TRAPPC10: variants seen among roughly 807,000 people sequenced by gnomAD.
TRAPPC10 encodes trafficking protein particle complex subunit 10.
In TRAPPC10, 23 loss-of-function variants were observed where a neutral mutation model predicts 125.5. That is an observed-to-expected ratio of 0.18 (90% CI 0.13 to 0.26). The LOEUF (loss-of-function observed/expected upper bound fraction) is 0.26. Among genes scored for constraint, TRAPPC10 ranks in the 10% least tolerant of loss-of-function variants. TRAPPC10 has a pLI of 1.00. For missense variants in TRAPPC10, 1,123 were observed against 1,308.4 expected, an observed-to-expected ratio of 0.86 and a Z score of 2.19; for synonymous variants, 509 against 518.0, an observed-to-expected ratio of 0.98 and a Z score of 0.24.
At chr21:44,079,993 G>C in intron 12 of TRAPPC10, 22 bp from the exon 13 acceptor site, 1 of 1,604,104 alleles carries the variant, frequency 6.2e-7, no homozygotes, top group Non-Finnish European at 8.5e-7. Flanking sequence ...GCCTCTCCAC[G>C]CTCCTTACCT....
At position 44,055,270 on chromosome 21, in the gene TRAPPC10, C is replaced by T. The variant is rs149394914; in HGVS notation, c.483-428C>T. On this transcript the variant is annotated intron_variant, in intron 4 of 22. Coordinates refer to ENST00000291574, the MANE Select transcript of TRAPPC10 (RefSeq NM_003274.5). ...GCCTTTTCCTAACCTGGTTTCTTAC[C>T]GCCTGCCTCATGTTTTTGACTGTTT... is the stretch of plus-strand genomic sequence containing the variant. Among the ~76,000 whole-genome samples, 458 of 152,090 alleles carry T rather than the reference C, an allele frequency of 3.0e-3. 5 individuals carry two copies. The highest frequency in any genetic ancestry group is 0.01 in the African/African-American group (423 of 41,482).
chr21:44,037,265 T>C (rs2034055793), intron 2 of TRAPPC10, among the ~76,000 whole-genome samples: 2 of 152,170 alleles, frequency 1.3e-5, no homozygotes, highest in African/African-American at 4.8e-5. Context: ...TCCTTCTTCT[T>C]GGGTTGAGAA....
At chr21:44,047,681 C>G (rs1016620106) in intron 3 of TRAPPC10, among the ~76,000 whole-genome samples, 4 of 152,058 alleles carry the variant, frequency 2.6e-5, no homozygotes, top group African/African-American at 9.7e-5. Flanking sequence ...GCTCTGTCTT[C>G]GTGTTAACCT....
intron 7 of TRAPPC10, among the ~76,000 whole-genome samples, chr21:44,071,628 C>T (rs1028697440): frequency 1.3e-5 from 2 of 152,088 alleles, no homozygotes; most frequent in Non-Finnish European, 2.9e-5. Flanking sequence ...CTCTGCAAGG[C>T]GGCACTGCAG....
intron 8 of TRAPPC10, 71 bp downstream of exon 8, chr21:44,074,541 G>T: frequency 1.9e-6 from 3 of 1,593,834 alleles, no homozygotes; most frequent in Non-Finnish European, 2.6e-6. Flanking sequence ...GAGGAAGTCT[G>T]CTGTTTGGAG....
Position 44,087,721 on chromosome 21 carries a change from C to T in TRAPPC10, c.2562C>T (p.Leu854=), listed in dbSNP as rs1490602081. The change falls in exon 17 of 23, where the codon CTC becomes CTT. Residue 854 remains leucine (L), a synonymous_variant. Coordinates refer to ENST00000291574, the MANE Select transcript of TRAPPC10 (RefSeq NM_003274.5). The surrounding 1 kb of genome is among the most constrained non-coding windows in gnomAD (Gnocchi z 4.6). The stretch of plus-strand genomic sequence containing the variant: ...TAGAACAGTCTTCTGAGGCCGCGCT[C>T]CGGATTCAGTCCTCCGACAAGGTCA... ...NTREQSSEAA[L]RIQSSDKVTS... is the part of the protein sequence containing the mutation. 1.2e-6 allele frequency: 2 copies of T among 1,613,894 alleles called. No homozygotes were observed. Among genetic ancestry groups the T allele is most frequent in the East Asian group, 2.2e-5 (1 of 44,900 alleles).
intron 7 of TRAPPC10, among the ~76,000 whole-genome samples, chr21:44,064,329 G>C (rs1020448116): frequency 6.6e-6 from 1 of 151,808 alleles, no homozygotes; most frequent in African/African-American, 2.4e-5. Flanking sequence ...GTGTGTGTGT[G>C]TGTGTGTGTG....
chr21:44,043,569 T>C (rs1483291762), intron 3 of TRAPPC10, among the ~76,000 whole-genome samples: 4 of 152,196 alleles, frequency 2.6e-5, no homozygotes, highest in Non-Finnish European at 5.9e-5. Flanking sequence ...CTTGTGGCCA[T>C]CTACATTTTC....
At position 44,059,204 on chromosome 21, in the gene TRAPPC10, C is replaced by A; in HGVS notation, c.780C>A (p.Phe260Leu). 6.2e-7 allele frequency: 1 copy of A among 1,606,846 alleles called. No individual in the cohort carries two copies. Among genetic ancestry groups the A allele is most frequent in the Non-Finnish European group, 8.5e-7 (1 of 1,177,278 alleles). The change falls in exon 6 of 23, where the codon TTC (phenylalanine) becomes TTA (leucine). Residue 260 changes from phenylalanine (F) to leucine (L), a missense_variant. Physicochemically the swap from Phe to Leu is conservative, Grantham distance 22. Transcript: ENST00000291574. This position sits in a 1 kb window ranked among gnomAD's most constrained non-coding sequence, Gnocchi z 4.4. The part of the protein sequence containing the change: ...DALFSQYVVN[F>L]GAGDGANWLT... Reference sequence around the variant, plus strand: ...TCTTCTCTCAGTATGTGGTCAACTTCGGGGCCGGGGGTGAGTAGTGGCACT... The same window carrying A: ...TCTTCTCTCAGTATGTGGTCAACTTAGGGGCCGGGGGTGAGTAGTGGCACT...
At chr21:44,012,939 G>C (rs1555920389) in intron 1 of TRAPPC10, among the ~76,000 whole-genome samples, 1 of 152,130 alleles carries the variant, frequency 6.6e-6, no homozygotes, top group Non-Finnish European at 1.5e-5. Flanking sequence ...TCTTCCGCCG[G>C]GCGGTTTTGC....
At chr21:44,030,621 C>T (rs2033494039) in intron 1 of TRAPPC10, among the ~76,000 whole-genome samples, 1 of 152,090 alleles carries the variant, frequency 6.6e-6, no homozygotes, top group Non-Finnish European at 1.5e-5. Context: ...CATGCGCCAC[C>T]ACGCCCGGCT....
rs2071154 is a variant in TRAPPC10, at chr21:44,087,312, G to A, written c.2539+352G>A. ...AAGCAGAGCAGCCCTTGCAGGTGCT[G>A]TTGAGAGCCCTGAGCACTCCCATCC... On this transcript the variant is annotated intron_variant, in intron 16 of 22. Transcript: ENST00000291574. The surrounding 1 kb of genome is among the most constrained non-coding windows in gnomAD (Gnocchi z 4.6). Among the ~76,000 whole-genome samples the A allele has an allele frequency of 0.21, 31,772 of 151,980 alleles. 3,831 individuals carry two copies. The highest frequency in any genetic ancestry group is 0.33 in the African/African-American group (13,674 of 41,398).
chr21:44,089,799 G>A, intron 17 of TRAPPC10, 34 bp from the exon 18 acceptor site: 1 of 1,562,194 alleles, frequency 6.4e-7, no homozygotes, highest in South Asian at 1.1e-5. Flanking sequence ...CCGTCGGCGA[G>A]TGGTCTGAGA....
rs777983353 is a variant in TRAPPC10 at position 44,084,161 on chromosome 21, G to A, written c.2278G>A (p.Ala760Thr). Reference protein sequence around the residue: ...PGTYTLRQLCASVGSVWFVLP... With the variant: ...PGTYTLRQLCTSVGSVWFVLP... ...AACGTATACACTCAGGCAGCTGTGC[G>A]CCTCGGTGGGCTCCGTGTGGTTCGT... The change falls in exon 15 of 23, where the codon GCC (alanine) becomes ACC (threonine). Residue 760 changes from alanine to threonine, a missense_variant. Physicochemically the swap from Ala to Thr is moderately conservative, Grantham distance 58. Coordinates refer to ENST00000291574, the MANE Select transcript of TRAPPC10 (RefSeq NM_003274.5). 51 of 1,614,098 alleles carry A rather than the reference G, an allele frequency of 3.2e-5. 1 individual carries two copies. In the Admixed American group the frequency reaches 7.0e-4, roughly 22 times the overall value.
intron 1 of TRAPPC10, among the ~76,000 whole-genome samples, chr21:44,031,788 G>A (rs1490103954): frequency 6.6e-6 from 1 of 152,182 alleles, no homozygotes; most frequent in African/African-American, 2.4e-5. Context: ...GGTGGAGCAG[G>A]CTCCCTCTCC....
chr21:44,089,961 G>A, intron 18 of TRAPPC10, 28 bp downstream of exon 18: 3 of 1,569,468 alleles, frequency 1.9e-6, no homozygotes, highest in Non-Finnish European at 2.6e-6. Context: ...TGCGGGCCCT[G>A]GCTTCTTTCC....
At chr21:44,062,624 C>T (rs1469726249) in intron 6 of TRAPPC10, 38 of 984,536 alleles carry the variant, frequency 3.9e-5, no homozygotes, top group Non-Finnish European at 4.6e-5. Flanking sequence ...CTGGGTGCTC[C>T]AATAGCCCTG....
intron 3 of TRAPPC10, among the ~76,000 whole-genome samples, chr21:44,043,806 G>A (rs1004421039): frequency 1.3e-5 from 2 of 152,176 alleles, no homozygotes; most frequent in Admixed American, 6.5e-5. Context: ...TTCTCTCGGG[G>A]TGCTTGTTCT....
In TRAPPC10 at chr21:44,094,059, C is replaced by A; in HGVS notation, c.2998-4C>A. The A allele has an allele frequency of 6.2e-7, 1 of 1,612,134 alleles. No individual in the cohort carries two copies. Among genetic ancestry groups the A allele is most frequent in the Non-Finnish European group, 8.5e-7 (1 of 1,179,382 alleles). On this transcript the variant is annotated splice_region_variant and splice_polypyrimidine_tract_variant and intron_variant, in intron 19 of 22. Coordinates refer to ENST00000291574, the MANE Select transcript of TRAPPC10 (RefSeq NM_003274.5). Reference sequence around the variant, plus strand: ...TGAGCAGTGACCCCCAACTCTCTTTCCAGCCCATCTACAGCAAGCAGTCGG... The same window carrying A: ...TGAGCAGTGACCCCCAACTCTCTTTACAGCCCATCTACAGCAAGCAGTCGG...
Sources: allele counts gnomAD v4.1 joint callset (sites outside exome capture counted in the v4.1 genomes callset), GRCh38; gene constraint gnomAD v4.1.1; non-coding constraint Gnocchi (gnomAD v3.1); transcripts MANE v1.5; gene names NCBI Gene and HGNC (gene_info 2026-07-23, HGNC 2026-07-21).